PCBP3: variants seen among roughly 807,000 people sequenced by gnomAD.
PCBP3 encodes the protein poly(rC)-binding protein 3.
A neutral mutation model predicts 52.7 loss-of-function variants in PCBP3; 25 were observed. The ratio of observed to expected loss-of-function variants is 0.47; its 90% confidence interval spans 0.35 to 0.66. The LOEUF (loss-of-function observed/expected upper bound fraction) is 0.66, where lower values mean the gene tolerates loss of function less well. PCBP3 is among the 30% of genes least tolerant of loss of function. PCBP3 has a pLI of 0.01. For synonymous variants in PCBP3, 162 were observed against 183.0 expected, an observed-to-expected ratio of 0.89 and a Z score of 0.93; for missense variants, 391 against 490.3, an observed-to-expected ratio of 0.80 and a Z score of 1.91.
At chr21:45,719,611 A>G (rs1202541219) in intron 2 of PCBP3, among the ~76,000 whole-genome samples, 1 of 152,082 alleles carries the variant, frequency 6.6e-6, no homozygotes, top group African/African-American at 2.4e-5. Context: ...TGATGGTTTT[A>G]TAAGCATCTG....
At chr21:45,925,865 A>G (rs1297129999) in intron 13 of PCBP3, among the ~76,000 whole-genome samples, 1 of 152,242 alleles carries the variant, frequency 6.6e-6, no homozygotes, top group Non-Finnish European at 1.5e-5. Context: ...TATAGCAAAA[A>G]CTTGGCACAC....
intron 2 of PCBP3, among the ~76,000 whole-genome samples, chr21:45,697,347 A>G (rs992319705): frequency 6.6e-6 from 1 of 152,246 alleles, no homozygotes; most frequent in Non-Finnish European, 1.5e-5. Context: ...TACTCTAAAT[A>G]TCTTTCTAAA....
rs570715717 is a variant in PCBP3, at chr21:45,906,509, G to T, written c.340-2846G>T. 2.0e-5 allele frequency among the ~76,000 whole-genome samples: 3 copies of T among 152,208 alleles called. No homozygotes were observed. The South Asian group carries it at 6.2e-4, about 32-fold the overall frequency. On this transcript the variant is annotated intron_variant, in intron 9 of 17. Coordinates refer to ENST00000681687, the MANE Select transcript of PCBP3 (RefSeq NM_001384156.1). ...AGTTTGAGCCCTTCTTTTGGATTTG[G>T]GGTCACAGGATTGTGGAGAATTTCG...
At chr21:45,843,588 A>G (rs2093743507) in intron 4 of PCBP3, among the ~76,000 whole-genome samples, 1 of 152,218 alleles carries the variant, frequency 6.6e-6, no homozygotes, top group South Asian at 2.1e-4. Flanking sequence ...TTGGCATGCA[A>G]TAATTTTATT....
intron 10 of PCBP3, 127 bp from the exon 11 acceptor site, chr21:45,910,775 C>T (rs1030257819): frequency 3.8e-5 from 32 of 846,454 alleles, no homozygotes; most frequent in Non-Finnish European, 5.5e-5. Context: ...GGGGAGGGGG[C>T]GCGTGGGCTG....
chr21:45,783,869 TCTC>T (rs1283115266), intron 4 of PCBP3, among the ~76,000 whole-genome samples: 1 of 152,184 alleles, frequency 6.6e-6, no homozygotes, highest in Non-Finnish European at 1.5e-5. Flanking sequence ...CATCAGTTAT[TCTC>T]CTTCCTGGAC....
At chr21:45,868,825 G>T (rs1297957700) in intron 5 of PCBP3, among the ~76,000 whole-genome samples, 1 of 152,230 alleles carries the variant, frequency 6.6e-6, no homozygotes, top group East Asian at 1.9e-4. Flanking sequence ...CCCAAGCCAG[G>T]GCTTCCTGCC....
intron 3 of PCBP3, among the ~76,000 whole-genome samples, chr21:45,752,358 T>C (rs2087597739): frequency 6.6e-6 from 1 of 152,016 alleles, no homozygotes; most frequent in Non-Finnish European, 1.5e-5. Flanking sequence ...CCAGTTTATG[T>C]TTCTGTTCTT....
chr21:45,905,526 T>C (rs1432870659), intron 9 of PCBP3, among the ~76,000 whole-genome samples: 3 of 152,250 alleles, frequency 2.0e-5, no homozygotes, highest in African/African-American at 7.2e-5. Flanking sequence ...CTGCTTGGGC[T>C]GCCATTGCAA....
At chr21:45,872,812 CTTTAA>C (rs1297870056) in intron 5 of PCBP3, 1 of 152,174 alleles carries the variant, frequency 6.6e-6, no homozygotes, top group Non-Finnish European at 1.5e-5. Context: ...TGGGGTTCTC[CTTTAA>C]TTTATCAATT....
At chr21:45,766,353 T>C (rs1008789280) in intron 4 of PCBP3, among the ~76,000 whole-genome samples, 2 of 152,114 alleles carry the variant, frequency 1.3e-5, no homozygotes, top group African/African-American at 4.8e-5. Flanking sequence ...TGGGAGGTGA[T>C]TAAGGTTACT....
At chr21:45,710,605 G>C (rs1006247380) in intron 2 of PCBP3, among the ~76,000 whole-genome samples, 1 of 151,980 alleles carries the variant, frequency 6.6e-6, no homozygotes, top group Admixed American at 6.5e-5. Flanking sequence ...TGTTTATTGC[G>C]GCACTATTCA....
At position 45,827,104 on chromosome 21, in the gene PCBP3, G is replaced by A. The variant is rs544977588; in HGVS notation, c.-125-22857G>A. On this transcript the variant is annotated intron_variant, in intron 4 of 17. Coordinates refer to ENST00000681687, the MANE Select transcript of PCBP3 (RefSeq NM_001384156.1). The surrounding 1 kb of genome is among the most constrained non-coding windows in gnomAD (Gnocchi z 4.3). The stretch of plus-strand genomic sequence containing the variant: ...GCTCTCAAGAGCGCTCCCCACTCCC[G>A]CGTCCCTGGGGACCACACGGGGACT... Among the ~76,000 whole-genome samples the A allele has an allele frequency of 5.9e-5, 9 of 152,252 alleles. No homozygotes were observed. Among genetic ancestry groups the A allele is most frequent in the East Asian group, 3.9e-4 (2 of 5,164 alleles).
chr21:45,734,059 T>A (rs1268796585), intron 2 of PCBP3, among the ~76,000 whole-genome samples: 1 of 152,232 alleles, frequency 6.6e-6, no homozygotes, highest in Non-Finnish European at 1.5e-5. Context: ...TTAAAATATT[T>A]TGAACTATGT....
intron 4 of PCBP3, among the ~76,000 whole-genome samples, chr21:45,798,810 A>G (rs926436165): frequency 6.6e-6 from 1 of 151,780 alleles, no homozygotes; most frequent in Admixed American, 6.6e-5. Flanking sequence ...GAATGCGTAC[A>G]TGGATGAATA....
intron 5 of PCBP3, among the ~76,000 whole-genome samples, chr21:45,887,038 G>A (rs78776752): frequency 0.015 from 2,297 of 152,296 alleles, 72 homozygotes; most frequent in African/African-American, 0.052. Flanking sequence ...CTGACCCTTC[G>A]GCTGCAGAAA....
At chr21:45,739,105 C>T (rs1185629478) in intron 3 of PCBP3, among the ~76,000 whole-genome samples, 68 of 101,896 alleles carry the variant, frequency 6.7e-4, no homozygotes, top group African/African-American at 2.6e-3. Flanking sequence ...TTCCTGTCCG[C>T]GGTCCTCTGG....
intron 13 of PCBP3, 139 bp from the exon 14 acceptor site, chr21:45,929,778 G>T: frequency 1.5e-6 from 1 of 683,194 alleles, no homozygotes; most frequent in South Asian, 1.8e-5. Context: ...AAGTCCTTGC[G>T]TTCTCTTGCA....
At chr21:45,874,342 G>C (rs942531017) in intron 5 of PCBP3, among the ~76,000 whole-genome samples, 1 of 152,102 alleles carries the variant, frequency 6.6e-6, no homozygotes, top group Non-Finnish European at 1.5e-5. Flanking sequence ...TGGAGAGTTC[G>C]AGTCAATGAA....
Sources: gnomAD v4.1 joint callset for allele counts (sites outside exome capture counted in the v4.1 genomes callset) on GRCh38, gnomAD v4.1.1 for gene constraint, Gnocchi (gnomAD v3.1) non-coding constraint, MANE v1.5 for transcripts, NCBI Gene and HGNC (gene_info 2026-07-23, HGNC 2026-07-21) for gene names.